Variants in AP4S1 observed in about 807,000 individuals in gnomAD.
The protein encoded by AP4S1 is AP-4 complex subunit sigma-1.
Under a neutral mutation model 19.8 loss-of-function variants are expected in AP4S1, and 23 were observed. The observed-to-expected ratio is 1.16, with a 90% CI of 0.84 to 1.65. AP4S1 has a LOEUF of 1.65. Ranked by LOEUF, AP4S1 falls within the 40% of genes most tolerant of loss-of-function variation. The pLI, the probability that AP4S1 is intolerant of heterozygous loss-of-function variation, is 0.00. For missense variants in AP4S1, 166 were observed against 172.8 expected, an observed-to-expected ratio of 0.96 and a Z score of 0.22; for synonymous variants, 46 against 54.1, an observed-to-expected ratio of 0.85 and a Z score of 0.66.
At chr14:31,031,724 C>T (rs1414451435) in intron 1 of AP4S1, among the ~76,000 whole-genome samples, 1 of 152,172 alleles carries the variant, frequency 6.6e-6, no homozygotes. Context: ...ACCTACAACT[C>T]ACCTAACTGG....
chr14:31,072,699 C>T (rs1010828324), intron 3 of AP4S1, among the ~76,000 whole-genome samples: 1 of 152,172 alleles, frequency 6.6e-6, no homozygotes, highest in African/African-American at 2.4e-5. Context: ...TAAGGTTTAT[C>T]TACATTTCCC....
intron 5 of AP4S1, chr14:31,083,375 T>G (rs147687935): frequency 4.7e-6 from 2 of 429,588 alleles, no homozygotes; most frequent in Admixed American, 2.8e-5. Flanking sequence ...GAGAACTAAG[T>G]CTTTCTAGAC....
intron 5 of AP4S1, among the ~76,000 whole-genome samples, chr14:31,091,387 C>G (rs1361523109): frequency 6.6e-6 from 1 of 152,136 alleles, no homozygotes; most frequent in Non-Finnish European, 1.5e-5. Context: ...CCCACTTTGT[C>G]TCACCTAAGT....
At chr14:31,066,713 A>C (rs958216309) in intron 2 of AP4S1, among the ~76,000 whole-genome samples, 9 of 152,190 alleles carry the variant, frequency 5.9e-5, no homozygotes, top group African/African-American at 2.2e-4. Flanking sequence ...CCAAAAAATG[A>C]AGATCAGATG....
intron 1 of AP4S1, among the ~76,000 whole-genome samples, chr14:31,045,353 C>T (rs1885336139): frequency 6.6e-6 from 1 of 152,156 alleles, no homozygotes; most frequent in South Asian, 2.1e-4. Flanking sequence ...AATCCCCATA[C>T]GTCAAGGGAG....
At chr14:31,028,182 TA>T (rs1402860173) in intron 1 of AP4S1, among the ~76,000 whole-genome samples, 7 of 105,392 alleles carry the variant, frequency 6.6e-5, no homozygotes, top group Non-Finnish European at 7.2e-5. Context: ...TTATTTTATT[TA>T]TTTTTTTTTT....
At chr14:31,090,113 C>T (rs996375195) in intron 5 of AP4S1, among the ~76,000 whole-genome samples, 8 of 152,008 alleles carry the variant, frequency 5.3e-5, no homozygotes, top group African/African-American at 1.4e-4. Flanking sequence ...CTTAGCCTCC[C>T]GAGTAGCTGG....
At chr14:31,057,623 A>G (rs1423446653) in intron 1 of AP4S1, among the ~76,000 whole-genome samples, 1 of 151,688 alleles carries the variant, frequency 6.6e-6, no homozygotes, top group Non-Finnish European at 1.5e-5. Flanking sequence ...TTTTATTTTT[A>G]TTTTATTTAT....
intron 1 of AP4S1, among the ~76,000 whole-genome samples, chr14:31,060,961 T>C (rs3784162): frequency 0.89 from 135,405 of 151,966 alleles, 60,474 homozygotes; most frequent in South Asian, 0.93. Flanking sequence ...ACGATCTCGG[T>C]GCACTTCAAC....
intron 1 of AP4S1, among the ~76,000 whole-genome samples, chr14:31,042,871 C>T (rs1247542921): frequency 6.6e-6 from 1 of 152,046 alleles, no homozygotes; most frequent in East Asian, 1.9e-4. Context: ...GGTCAGTTTA[C>T]CAAAATGGCT....
intron 1 of AP4S1, among the ~76,000 whole-genome samples, chr14:31,028,004 CAA>C (rs747431439): frequency 2.4e-4 from 36 of 152,166 alleles, no homozygotes; most frequent in Admixed American, 6.5e-4. Flanking sequence ...GAAGTAATTT[CAA>C]AAGAGATTAA....
rs373657445 is a variant in AP4S1 at position 31,069,833 on chromosome 14, T to C, written c.139-10T>C. Reference sequence around the variant, plus strand: ...CCACAGGAATTAATATCTCATTGTGTTTTGTCTAGTGCTCTTTCATTGAAT... The same window carrying C: ...CCACAGGAATTAATATCTCATTGTGCTTTGTCTAGTGCTCTTTCATTGAAT... On this transcript the variant is annotated splice_polypyrimidine_tract_variant and intron_variant, in intron 2 of 5. Transcript: ENST00000542754. The C allele has an allele frequency of 2.3e-5, 37 of 1,597,340 alleles. No individual in the cohort carries two copies. The highest frequency in any genetic ancestry group is 3.2e-5 in the Non-Finnish European group (37 of 1,164,968).
chr14:31,053,589 C>CTTTTTTTTTTTTTTTTTT (rs758966011), intron 1 of AP4S1, among the ~76,000 whole-genome samples: 2 of 71,174 alleles, frequency 2.8e-5, no homozygotes, highest in Admixed American at 2.3e-4. Context: ...TGACTTTTTT[C>CTTTTTTTTTTTTTTTTTT]TTTTTTTTTT....
rs144381246 is a variant in AP4S1 at position 31,070,679 on chromosome 14, C to T, written c.225+750C>T. Among the ~76,000 whole-genome samples the T allele has an allele frequency of 1.9e-3, 290 of 152,304 alleles. 1 individual carries two copies. The highest frequency in any genetic ancestry group is 6.4e-3 in the African/African-American group (265 of 41,558). On this transcript the variant is annotated intron_variant, in intron 3 of 5. Coordinates refer to ENST00000542754, the MANE Select transcript of AP4S1 (RefSeq NM_001128126.3). ...ACAGAATGCCTTTTTCTGTTGTAAG[C>T]AATACCAGTGCCCTGCCCTTGTTCT...
chr14:31,084,711 A>C (rs769669007), intron 5 of AP4S1: 54 of 1,610,810 alleles, frequency 3.4e-5, no homozygotes, highest in Non-Finnish European at 4.4e-5. Context: ...GCCCCATCAC[A>C]TACCTTGGTA....
chr14:31,048,879 T>G lies in AP4S1; in HGVS notation c.-71-17247T>G, dbSNP rs571223084. 2.6e-5 allele frequency among the ~76,000 whole-genome samples: 4 copies of G among 152,284 alleles called. No homozygotes were observed. The East Asian group carries it at 5.8e-4, about 22-fold the overall frequency. ...GGAGGCTACCACCCAACCAGCCAGA[T>G]CCATGACCAAATGAAAGAAATTATT... On this transcript the variant is annotated intron_variant, in intron 1 of 5. Coordinates refer to ENST00000542754, the MANE Select transcript of AP4S1 (RefSeq NM_001128126.3).
intron 5 of AP4S1, among the ~76,000 whole-genome samples, chr14:31,082,845 G>A (rs1052131250): frequency 8.6e-5 from 13 of 151,560 alleles, no homozygotes; most frequent in African/African-American, 2.7e-4. Context: ...GCAGTGAGCC[G>A]AGATTGCGCC....
At chr14:31,035,937 A>G (rs112109994) in intron 1 of AP4S1, among the ~76,000 whole-genome samples, 24 of 151,654 alleles carry the variant, frequency 1.6e-4, no homozygotes, top group Non-Finnish European at 1.9e-4. Flanking sequence ...TCACCATGTT[A>G]GCCAGGATGG....
At position 31,049,442 on chromosome 14, in the gene AP4S1, T is replaced by C. The variant is rs188059151; in HGVS notation, c.-71-16684T>C. ...AAAAAAAAAAAAATATATATATATA[T>C]ATATATATATATATATATATGTATA... On this transcript the variant is annotated intron_variant, in intron 1 of 5. Transcript: ENST00000542754. 5.0e-3 allele frequency among the ~76,000 whole-genome samples: 304 copies of C among 60,862 alleles called. 16 individuals carry two copies. In the East Asian group the frequency reaches 0.092, roughly 18 times the overall value. 39.9% of individuals were successfully genotyped at this position (60,862 alleles called of 152,430 possible). A position where few individuals can be genotyped will look rare whatever the true frequency, so the allele number is the denominator to read the frequency against.
Sources: allele counts gnomAD v4.1 joint callset (sites outside exome capture counted in the v4.1 genomes callset), GRCh38; gene constraint gnomAD v4.1.1; transcripts MANE v1.5; gene names NCBI Gene and HGNC (gene_info 2026-07-23, HGNC 2026-07-21).